Variants in DENND1A observed in about 807,000 individuals in gnomAD.
The protein encoded by DENND1A is DENN domain-containing protein 1A.
Under a neutral mutation model 113.7 loss-of-function variants are expected in DENND1A, and 51 were observed. The observed-to-expected ratio is 0.45, with a 90% CI of 0.36 to 0.57. DENND1A has a LOEUF of 0.57. Ranked by LOEUF, DENND1A falls within the 20% of genes least tolerant of loss-of-function variation. The probability of loss-of-function intolerance (pLI) is 0.00; values close to 1 mark genes in which losing one functional copy is unlikely to be tolerated. For missense variants in DENND1A, 1,258 were observed against 1,395.9 expected (o/e 0.90, Z 1.57); for synonymous variants, 565 against 570.8 (o/e 0.99, Z 0.14).
intron 22 of DENND1A, among the ~76,000 whole-genome samples, chr9:123,385,136 A>G (rs892865775): frequency 2.0e-5 from 3 of 152,112 alleles, no homozygotes; most frequent in Admixed American, 6.5e-5. Flanking sequence ...CCTCTAGTGG[A>G]GCCCCAGTGG....
At chr9:123,660,968 T>C (rs2063205053) in intron 8 of DENND1A, among the ~76,000 whole-genome samples, 1 of 152,222 alleles carries the variant, frequency 6.6e-6, no homozygotes, top group African/African-American at 2.4e-5. Context: ...AGCCCAGAGA[T>C]GCTTGCTAAA....
intron 2 of DENND1A, among the ~76,000 whole-genome samples, chr9:123,860,462 T>C (rs781726598): frequency 6.6e-6 from 1 of 152,238 alleles, no homozygotes; most frequent in Non-Finnish European, 1.5e-5. Context: ...AGATCTCTTA[T>C]GCTTTAAGCA....
At chr9:123,925,923 C>T (rs889181853) in intron 1 of DENND1A, among the ~76,000 whole-genome samples, 1 of 152,174 alleles carries the variant, frequency 6.6e-6, no homozygotes, top group Admixed American at 6.5e-5. Flanking sequence ...AAACTTCCTT[C>T]GATTACTTAC....
At position 123,395,468 on chromosome 9, in the gene DENND1A, C is replaced by CTCTCTGTGTGTGTGTGTGTGTG. The variant is rs367751848; in HGVS notation, c.1632-7611_1632-7610insCACACACACACACACACAGAGA. 4.7e-3 allele frequency among the ~76,000 whole-genome samples: 678 copies of CTCTCTGTGTGTGTGTGTGTGTG among 142,938 alleles called. 3 individuals carry two copies. The highest frequency in any genetic ancestry group is 0.012 in the East Asian group (56 of 4,792). The allele number at this position is 142,938 out of a possible 152,430, so 93.8% of individuals were successfully genotyped here. ...AGGGCCCAGAATCTACTCTCTCTCT[C>CTCTCTGTGTGTGTGTGTGTGTG]TGTGTGTGTGTGTGTGTGTGTGTGT... On this transcript the variant is annotated intron_variant, in intron 21 of 23. Transcript: ENST00000394215.
intron 10 of DENND1A, among the ~76,000 whole-genome samples, chr9:123,614,630 A>T (rs570301404): frequency 2.6e-5 from 4 of 151,714 alleles, no homozygotes; most frequent in African/African-American, 9.7e-5. Flanking sequence ...ACAAAGTGGG[A>T]GGGGAGAGGA....
At chr9:123,512,989 C>T (rs1193841115) in intron 13 of DENND1A, among the ~76,000 whole-genome samples, 1 of 152,210 alleles carries the variant, frequency 6.6e-6, no homozygotes, top group Non-Finnish European at 1.5e-5. Flanking sequence ...AAAACAGTCT[C>T]AGAATTCTGG....
At chr9:123,416,586 A>T (rs1014473784) in intron 19 of DENND1A, among the ~76,000 whole-genome samples, 1 of 152,240 alleles carries the variant, frequency 6.6e-6, no homozygotes, top group African/African-American at 2.4e-5. Context: ...TTCTTAAGTC[A>T]GTTCAAAAAG....
chr9:123,868,433 T>G (rs141762144), intron 2 of DENND1A, among the ~76,000 whole-genome samples: 2 of 152,208 alleles, frequency 1.3e-5, no homozygotes, highest in Non-Finnish European at 2.9e-5. Flanking sequence ...AAATAACAGC[T>G]CCCATTTATA....
intron 11 of DENND1A, among the ~76,000 whole-genome samples, chr9:123,588,406 G>A (rs545070008): frequency 3.7e-4 from 56 of 151,702 alleles, no homozygotes; most frequent in African/African-American, 1.3e-3. Context: ...ATCACCTGAG[G>A]TCAGGAGTTC....
chr9:123,915,215 T>C (rs1164723919), intron 1 of DENND1A, among the ~76,000 whole-genome samples: 1 of 152,122 alleles, frequency 6.6e-6, no homozygotes, highest in East Asian at 1.9e-4. Flanking sequence ...TCTGGATGGA[T>C]TGCAAGAAAA....
At chr9:123,572,581 G>A (rs2058419313) in intron 12 of DENND1A, among the ~76,000 whole-genome samples, 1 of 152,164 alleles carries the variant, frequency 6.6e-6, no homozygotes, top group African/African-American at 2.4e-5. Flanking sequence ...ACGATGCGGA[G>A]TATCTTTTCA....
intron 13 of DENND1A, among the ~76,000 whole-genome samples, chr9:123,511,682 G>C (rs2053473018): frequency 6.6e-6 from 1 of 152,228 alleles, no homozygotes; most frequent in African/African-American, 2.4e-5. Context: ...AAACGTGACT[G>C]ATGCTAGTAT....
At chr9:123,677,144 C>A (rs1233446918) in intron 5 of DENND1A, among the ~76,000 whole-genome samples, 3 of 152,026 alleles carry the variant, frequency 2.0e-5, no homozygotes, top group African/African-American at 7.3e-5. Flanking sequence ...TATTCAGTTT[C>A]TCATGATGGG....
intron 1 of DENND1A, among the ~76,000 whole-genome samples, chr9:123,887,626 G>A (rs781059866): frequency 3.3e-5 from 5 of 151,562 alleles, no homozygotes; most frequent in South Asian, 2.1e-4. Context: ...TGAGGAGATC[G>A]TCCATGTTGG....
chr9:123,665,954 A>G lies in DENND1A; in HGVS notation c.507+1072T>C, dbSNP rs140368509. ...ATGCTAAGTGAAATAACTCAGAACAAAAGGACAAATATTGTATGATTTCAC... is the reference window on the plus strand; with the variant it reads ...ATGCTAAGTGAAATAACTCAGAACAGAAGGACAAATATTGTATGATTTCAC... On this transcript the variant is annotated intron_variant, in intron 8 of 23. Transcript: ENST00000394215. Among the ~76,000 whole-genome samples, 199 of 152,346 alleles carry G rather than the reference A, an allele frequency of 1.3e-3. 2 individuals are homozygous for G. In the East Asian group the frequency reaches 0.032, roughly 25 times the overall value.
intron 5 of DENND1A, among the ~76,000 whole-genome samples, chr9:123,733,996 C>A (rs2068376907): frequency 6.6e-6 from 1 of 152,106 alleles, no homozygotes; most frequent in Admixed American, 6.5e-5. Context: ...GACAGTCTCA[C>A]TCTGCTGCCC....
intron 2 of DENND1A, among the ~76,000 whole-genome samples, chr9:123,807,763 C>T (rs1186339357): frequency 1.3e-5 from 2 of 152,212 alleles, no homozygotes; most frequent in Non-Finnish European, 2.9e-5. Context: ...CTGTGTCACA[C>T]ACTGTGATAA....
rs372862584 is a variant in DENND1A, at chr9:123,693,988, C to T, written c.303-17199G>A. Reference sequence around the variant, plus strand: ...GACTTCAGGCGTGTGCCACCGCACCCGGCTAAATTTTGTATTTTTTTTTTT... The same window carrying T: ...GACTTCAGGCGTGTGCCACCGCACCTGGCTAAATTTTGTATTTTTTTTTTT... On this transcript the variant is annotated intron_variant, in intron 5 of 23. Coordinates refer to ENST00000394215, the MANE Select transcript of DENND1A (RefSeq NM_001352964.2). 4.8e-4 allele frequency among the ~76,000 whole-genome samples: 72 copies of T among 151,338 alleles called. No individual in the cohort carries two copies. The East Asian group carries it at 0.011, about 22-fold the overall frequency.
chr9:123,609,452 T>A lies in DENND1A; in HGVS notation c.749A>T (p.His250Leu). The A allele has an allele frequency of 6.2e-7, 1 of 1,613,770 alleles. No individual in the cohort carries two copies. The highest frequency in any genetic ancestry group is 1.1e-5 in the South Asian group (1 of 90,922). The change falls in exon 11 of 24, where the codon CAT (histidine) becomes CTT (leucine). Residue 250 changes from histidine (H) to leucine (L), a missense_variant. This residue lies in a region of DENND1A where 1,159 missense variants were observed against 1,231.7 expected (regional missense o/e 0.94). Transcript: ENST00000394215. ...CAPMPYLIGI[H>L]LSLMEKVRNM... ...CCAACTTACCTCCATTAAACTTAAA[T>A]GGATTCCTATGAGGTAGGGCATGGG... is the stretch of plus-strand genomic sequence containing the variant.
Sources: allele counts gnomAD v4.1 joint callset (sites outside exome capture counted in the v4.1 genomes callset), GRCh38; gene constraint gnomAD v4.1.1; regional missense constraint gnomAD v4.1.1; transcripts MANE v1.5; gene names NCBI Gene and HGNC (gene_info 2026-07-23, HGNC 2026-07-21).